The following RNFT1 variants were observed in gnomAD, a reference collection of about 807,000 sequenced individuals.
RNFT1 encodes E3 ubiquitin-protein ligase RNFT1.
In RNFT1, 35 loss-of-function variants were observed where a neutral mutation model predicts 53.2. That is an observed-to-expected ratio of 0.66 (90% CI 0.50 to 0.87). The LOEUF is 0.87. RNFT1 is among the 40% of genes least tolerant of loss of function. The pLI is 0.00. For synonymous variants in RNFT1, 141 were observed against 172.8 expected (o/e 0.82, Z 1.44); for missense variants, 421 against 515.0 (o/e 0.82, Z 1.77).
intron 3 of RNFT1, among the ~76,000 whole-genome samples, chr17:59,960,437 CAAAAAAAAAA>C (rs11406596): frequency 1.5e-5 from 1 of 68,324 alleles, no homozygotes; most frequent in Non-Finnish European, 2.5e-5. Flanking sequence ...AGTCTTCTCT[CAAAAAAAAAA>C]AAAAAAAAAG....
Position 59,956,485 on chromosome 17 carries a change from T to C in RNFT1, c.1071+3A>G. ...TTTTTCTTAACTGATAAAAAGTACT[T>C]ACTGGTTGTGTAAAAAATATTCGTA... On this transcript the variant is annotated splice_donor_region_variant and intron_variant, in intron 7 of 8. Coordinates refer to ENST00000305783, the MANE Select transcript of RNFT1 (RefSeq NM_016125.4). 2 of 1,608,470 alleles carry C rather than the reference T, an allele frequency of 1.2e-6. No individual in the cohort carries two copies. Among genetic ancestry groups the C allele is most frequent in the Non-Finnish European group, 1.7e-6 (2 of 1,176,298 alleles).
intron 1 of RNFT1, among the ~76,000 whole-genome samples, chr17:59,963,531 C>A (rs1330371130): frequency 6.6e-6 from 1 of 151,870 alleles, no homozygotes; most frequent in Admixed American, 6.6e-5. Flanking sequence ...GCTTCCAGTT[C>A]TCTAATGGCA....
At position 59,960,141 on chromosome 17, in the gene RNFT1, A is replaced by T. The variant is rs748857449; in HGVS notation, c.619T>A (p.Trp207Arg). The T allele has an allele frequency of 6.2e-7, 1 of 1,607,922 alleles. No individual in the cohort carries two copies. Among genetic ancestry groups the T allele is most frequent in the Non-Finnish European group, 8.5e-7 (1 of 1,177,826 alleles). Residue 207 changes from tryptophan (W) to arginine (R), a missense_variant, in exon 4 of 9, where the codon TGG becomes AGG. Transcript: ENST00000305783. ...GATCCTGCTAAGAATACCAGTAACC[A>T]AGCACACTGAATCTTTGAGGACCTT... The part of the protein sequence containing the change: ...RERSSKIQCA[W>R]LLVFLAGSSV...
At position 59,961,882 on chromosome 17, in the gene RNFT1, C is replaced by CTTTT. The variant is rs71370154; in HGVS notation, c.591+654_591+657dup. ...GTGAGCCCCTGTGCCTGGCCCAGGTCTTTTTTTTTTTTTTTTTTTTTGAGA... is the reference window on the plus strand; with the variant it reads ...GTGAGCCCCTGTGCCTGGCCCAGGTCTTTTTTTTTTTTTTTTTTTTTTTTTGAGA... On this transcript the variant is annotated intron_variant, in intron 3 of 8. Transcript: ENST00000305783. Among the ~76,000 whole-genome samples, 42 of 91,454 alleles carry CTTTT rather than the reference C, an allele frequency of 4.6e-4. 3 individuals are homozygous for CTTTT. The highest frequency in any genetic ancestry group is 1.7e-3 in the South Asian group (4 of 2,412). The allele number at this position is 91,454 out of a possible 152,430, so 60.0% of individuals were successfully genotyped here.
chr17:59,956,421 G>C, intron 7 of RNFT1, 67 bp downstream of exon 7: 1 of 1,049,874 alleles, frequency 9.5e-7, no homozygotes, highest in Non-Finnish European at 1.5e-6. Context: ...TAAAACTGCT[G>C]AACTAAAAAA....
chr17:59,961,444 A>G (rs1436647356), intron 3 of RNFT1, among the ~76,000 whole-genome samples: 2 of 152,210 alleles, frequency 1.3e-5, no homozygotes, highest in Non-Finnish European at 2.9e-5. Flanking sequence ...GTCAGAATGC[A>G]TGATACTTTA....
intron 1 of RNFT1, 23 bp from the exon 2 acceptor site, chr17:59,963,307 T>C (rs747068326): frequency 2.5e-6 from 4 of 1,584,122 alleles, no homozygotes; most frequent in South Asian, 2.2e-5. Flanking sequence ...ATAAAAGATA[T>C]TCTAAGTAAA....
intron 4 of RNFT1, 104 bp downstream of exon 4, chr17:59,959,964 G>T: frequency 1.3e-5 from 13 of 1,035,472 alleles, no homozygotes; most frequent in East Asian, 6.2e-5. Context: ...GTTAAAAACT[G>T]AACTGAACTG....
intron 7 of RNFT1, among the ~76,000 whole-genome samples, chr17:59,955,326 T>C (rs1352300925): frequency 6.6e-6 from 1 of 152,208 alleles, no homozygotes. Flanking sequence ...TTGCAGATAA[T>C]TATGCTGACA....
chr17:59,957,776 C>CGGA (rs914139058), intron 5 of RNFT1, among the ~76,000 whole-genome samples: 16 of 151,984 alleles, frequency 1.1e-4, no homozygotes, highest in Non-Finnish European at 1.9e-4. Flanking sequence ...ACCCAGGAGG[C>CGGA]GGAGGTTGCA....
At chr17:59,964,564 G>A in intron 1 of RNFT1, 44 bp downstream of exon 1, 1 of 1,551,218 alleles carries the variant, frequency 6.4e-7, no homozygotes, top group South Asian at 1.2e-5. Context: ...CTGCGCCGCG[G>A]CCCCTCGCCG....
chr17:59,956,067 A>G lies in RNFT1; in HGVS notation c.1071+421T>C, dbSNP rs78261818. ...AACTGCAAGAGACATGATTTTTGGCAGTGAGCTTTCTAAACAATAAATTAC... is the reference window on the plus strand; with the variant it reads ...AACTGCAAGAGACATGATTTTTGGCGGTGAGCTTTCTAAACAATAAATTAC... On this transcript the variant is annotated intron_variant, in intron 7 of 8. Transcript: ENST00000305783. Among the ~76,000 whole-genome samples the G allele has an allele frequency of 1.4e-4, 22 of 152,324 alleles. No individual in the cohort carries two copies. In the East Asian group the frequency reaches 4.0e-3, roughly 28 times the overall value.
At chr17:59,955,667 T>C (rs1211026964) in intron 7 of RNFT1, among the ~76,000 whole-genome samples, 1 of 152,220 alleles carries the variant, frequency 6.6e-6, no homozygotes, top group African/African-American at 2.4e-5. Flanking sequence ...CATTGCTAAC[T>C]CTATCTTAGG....
intron 1 of RNFT1, 74 bp from the exon 2 acceptor site, chr17:59,963,358 C>T (rs913327344): frequency 2.9e-4 from 363 of 1,266,640 alleles, no homozygotes; most frequent in Non-Finnish European, 3.7e-4. Flanking sequence ...CACTGGGTAT[C>T]CTTTATTCAC....
chr17:59,953,244 G>A (rs557527166), intron 8 of RNFT1, 133 bp from the exon 9 acceptor site: 22 of 679,856 alleles, frequency 3.2e-5, no homozygotes, highest in Middle Eastern at 3.0e-4. Context: ...CACCCAGGCC[G>A]GAGTGCAATG....
chr17:59,954,009 T>C (rs781150847), intron 8 of RNFT1, 36 bp downstream of exon 8: 16 of 1,297,852 alleles, frequency 1.2e-5, no homozygotes, highest in Middle Eastern at 5.4e-4. Context: ...CAGAGAACTG[T>C]TGTATTTAGG....
In RNFT1 at chr17:59,961,917, G is replaced by T. The variant is rs1265410107; in HGVS notation, c.591+623C>A. 7.9e-5 allele frequency among the ~76,000 whole-genome samples: 9 copies of T among 113,300 alleles called. No homozygotes were observed. The East Asian group carries it at 2.3e-3, about 29-fold the overall frequency. The allele number at this position is 113,300 out of a possible 152,430, so 74.3% of individuals were successfully genotyped here. A position where few individuals can be genotyped will look rare whatever the true frequency, so the allele number is the denominator to read the frequency against. On this transcript the variant is annotated intron_variant, in intron 3 of 8. Coordinates refer to ENST00000305783, the MANE Select transcript of RNFT1 (RefSeq NM_016125.4). ...TTTTTTTTTTTTGAGATGGAGTCTC[G>T]TTCTGTAGCCCACGCTGGAGTGCAG...
intron 6 of RNFT1, 28 bp downstream of exon 6, chr17:59,957,195 GC>G: frequency 6.3e-7 from 1 of 1,598,868 alleles, no homozygotes; most frequent in South Asian, 1.1e-5. Context: ...TGTGAATCAT[GC>G]AGTGACAAGA....
At chr17:59,957,591 C>T (rs1480394194) in intron 5 of RNFT1, among the ~76,000 whole-genome samples, 4 of 152,068 alleles carry the variant, frequency 2.6e-5, no homozygotes, top group South Asian at 2.1e-4. Context: ...CTAGGTTGGA[C>T]GCAGTGGCTC....
Sources: allele counts gnomAD v4.1 joint callset (sites outside exome capture counted in the v4.1 genomes callset), GRCh38; gene constraint gnomAD v4.1.1; transcripts MANE v1.5; gene names NCBI Gene and HGNC (gene_info 2026-07-23, HGNC 2026-07-21).